Variants in PLXDC2 observed in about 807,000 individuals in gnomAD.
PLXDC2 encodes the protein plexin domain-containing protein 2.
In PLXDC2, 40 loss-of-function variants were observed where a neutral mutation model predicts 68.9. The ratio of observed to expected loss-of-function variants is 0.58; its 90% CI spans 0.45 to 0.76. PLXDC2 has a LOEUF of 0.76. Among genes scored for constraint, PLXDC2 ranks in the 30% least tolerant of loss-of-function variants. The probability of loss-of-function intolerance (pLI) is 0.00; values close to 1 mark genes in which losing one functional copy is unlikely to be tolerated. For missense variants in PLXDC2, 644 were observed against 661.9 expected, an observed-to-expected ratio of 0.97 and a Z score of 0.30; for synonymous variants, 243 against 234.2, an observed-to-expected ratio of 1.04 and a Z score of -0.34.
intron 1 of PLXDC2, among the ~76,000 whole-genome samples, chr10:19,950,143 A>T (rs943449819): frequency 6.6e-6 from 1 of 152,188 alleles, no homozygotes. Context: ...CATATTCAAG[A>T]TATTACTAAT....
chr10:20,095,256 T>C (rs1480932546), intron 4 of PLXDC2, among the ~76,000 whole-genome samples: 4 of 152,208 alleles, frequency 2.6e-5, no homozygotes, highest in African/African-American at 9.6e-5. Context: ...TTACATTTCA[T>C]GTGCTCAAAA....
At chr10:19,840,453 G>T (rs1289955675) in intron 1 of PLXDC2, among the ~76,000 whole-genome samples, 1 of 152,034 alleles carries the variant, frequency 6.6e-6, no homozygotes, top group East Asian at 1.9e-4. Flanking sequence ...CATAGTTGTG[G>T]TGGCAGGCTC....
intron 4 of PLXDC2, among the ~76,000 whole-genome samples, chr10:20,097,049 T>C (rs1190035037): frequency 6.6e-6 from 1 of 152,164 alleles, no homozygotes; most frequent in South Asian, 2.1e-4. Flanking sequence ...CAGATTGTTT[T>C]CTTATTGTGC....
chr10:19,889,732 A>G (rs1193210390), intron 1 of PLXDC2, among the ~76,000 whole-genome samples: 1 of 152,214 alleles, frequency 6.6e-6, no homozygotes, highest in East Asian at 1.9e-4. Flanking sequence ...AGACATCCAC[A>G]GGCAGGAAAA....
intron 1 of PLXDC2, among the ~76,000 whole-genome samples, chr10:19,820,472 A>G (rs1444057948): frequency 6.6e-6 from 1 of 151,732 alleles, no homozygotes; most frequent in African/African-American, 2.4e-5. Context: ...TCTACTAAAA[A>G]TACAAAAAAA....
At chr10:19,830,985 G>A (rs987185824) in intron 1 of PLXDC2, among the ~76,000 whole-genome samples, 3 of 128,730 alleles carry the variant, frequency 2.3e-5, no homozygotes, top group African/African-American at 5.7e-5. Context: ...TAGGAACCAG[G>A]TTTGTTTCCT....
intron 7 of PLXDC2, among the ~76,000 whole-genome samples, chr10:20,169,842 T>A (rs1399446283): frequency 2.0e-5 from 3 of 152,296 alleles, no homozygotes; most frequent in African/African-American, 7.2e-5. Flanking sequence ...CTTAAAATGG[T>A]TCTACTCCAA....
At chr10:19,940,383 A>G (rs1833798713) in intron 1 of PLXDC2, among the ~76,000 whole-genome samples, 1 of 152,164 alleles carries the variant, frequency 6.6e-6, no homozygotes, top group Non-Finnish European at 1.5e-5. Flanking sequence ...CATGATTTAT[A>G]CCTTTAAAAT....
intron 12 of PLXDC2, among the ~76,000 whole-genome samples, chr10:20,234,681 T>TC (rs397951235): frequency 2.7e-5 from 4 of 148,400 alleles, no homozygotes; most frequent in Admixed American, 1.3e-4. Flanking sequence ...TTTTTTTTTT[T>TC]CCTTTTTCCT....
chr10:20,158,482 TA>T (rs762480312), intron 6 of PLXDC2, among the ~76,000 whole-genome samples: 1 of 131,774 alleles, frequency 7.6e-6, no homozygotes, highest in African/African-American at 2.9e-5. Context: ...CTGGGTAACA[TA>T]ATGAGACTCT....
rs557116739 is a variant in PLXDC2 at position 20,067,023 on chromosome 10, C to G, written c.472-1147C>G. ...GTGCAAAAGTAATTGCGGTTTTTGCCATTACTTTTAGTGTTTCTCTTGTTT... is the reference window on the plus strand; with the variant it reads ...GTGCAAAAGTAATTGCGGTTTTTGCGATTACTTTTAGTGTTTCTCTTGTTT... On this transcript the variant is annotated intron_variant, in intron 3 of 13. Coordinates refer to ENST00000377252, the MANE Select transcript of PLXDC2 (RefSeq NM_032812.9). Among the ~76,000 whole-genome samples the G allele has an allele frequency of 1.1e-3, 162 of 152,080 alleles. 1 individual carries two copies. The highest frequency in any genetic ancestry group is 3.7e-3 in the African/African-American group (153 of 41,500).
intron 8 of PLXDC2, 82 bp downstream of exon 8, chr10:20,177,176 A>G: frequency 7.4e-7 from 1 of 1,355,806 alleles, no homozygotes. Flanking sequence ...TAATAATCAT[A>G]TTAAATAATT....
At position 20,166,776 on chromosome 10, in the gene PLXDC2, G is replaced by C. The variant is rs76453593; in HGVS notation, c.883+2209G>C. 9.2e-5 allele frequency among the ~76,000 whole-genome samples: 14 copies of C among 152,128 alleles called. No individual in the cohort carries two copies. The East Asian group carries it at 2.5e-3, about 27-fold the overall frequency. On this transcript the variant is annotated intron_variant, in intron 7 of 13. Transcript: ENST00000377252. The stretch of plus-strand genomic sequence containing the variant: ...AGTTTAATATGCAAGTATTATGTTG[G>C]TATATTCCCAATGATAAAATTGTAC...
At chr10:20,102,849 C>T (rs548019376) in intron 4 of PLXDC2, among the ~76,000 whole-genome samples, 16 of 152,096 alleles carry the variant, frequency 1.1e-4, no homozygotes, top group East Asian at 3.8e-4. Flanking sequence ...TTTAAAGCCA[C>T]GGGATAGGAC....
intron 1 of PLXDC2, among the ~76,000 whole-genome samples, chr10:19,984,724 C>A (rs1391867167): frequency 6.6e-6 from 1 of 152,130 alleles, no homozygotes; most frequent in Non-Finnish European, 1.5e-5. Context: ...TTACTGACAA[C>A]AGTGTTTCTT....
rs572478142 is a variant in PLXDC2 at position 20,074,032 on chromosome 10, C to A, written c.541+5793C>A. Reference sequence around the variant, plus strand: ...GGGGAAGAGAAGAGGTAACATTATACAGATAATTTTGGCCCCAGAATGTAA... The same window carrying A: ...GGGGAAGAGAAGAGGTAACATTATAAAGATAATTTTGGCCCCAGAATGTAA... On this transcript the variant is annotated intron_variant, in intron 4 of 13. Coordinates refer to ENST00000377252, the MANE Select transcript of PLXDC2 (RefSeq NM_032812.9). Among the ~76,000 whole-genome samples the A allele has an allele frequency of 1.5e-3, 231 of 152,144 alleles. 1 individual carries two copies. Among genetic ancestry groups the A allele is most frequent in the South Asian group, 4.4e-3 (21 of 4,816 alleles).
chr10:20,030,193 A>G (rs1835476148), intron 2 of PLXDC2, among the ~76,000 whole-genome samples: 1 of 73,882 alleles, frequency 1.4e-5, no homozygotes, highest in Non-Finnish European at 3.2e-5. Context: ...CGGCTCAGGA[A>G]CAAAACAAAC....
chr10:20,261,019 T>G (rs1835802912), intron 13 of PLXDC2, among the ~76,000 whole-genome samples: 1 of 152,222 alleles, frequency 6.6e-6, no homozygotes, highest in Non-Finnish European at 1.5e-5. Flanking sequence ...TTCAAGTCCT[T>G]TCTCCATTTT....
intron 4 of PLXDC2, among the ~76,000 whole-genome samples, chr10:20,110,197 G>T (rs1833540909): frequency 6.6e-6 from 1 of 152,112 alleles, no homozygotes; most frequent in African/African-American, 2.4e-5. Flanking sequence ...GCAAGGAGGG[G>T]TGCTCTCCAG....
Sources: allele counts gnomAD v4.1 joint callset (sites outside exome capture counted in the v4.1 genomes callset), GRCh38; gene constraint gnomAD v4.1.1; transcripts MANE v1.5; gene names NCBI Gene and HGNC (gene_info 2026-07-23, HGNC 2026-07-21).